The following NREP variants were observed in gnomAD, a reference collection of about 807,000 sequenced individuals.
The protein encoded by NREP is neuronal regeneration-related protein.
Under a neutral mutation model 8.6 loss-of-function variants are expected in NREP, and 5 were observed. The ratio of observed to expected loss-of-function variants is 0.58; its 90% CI spans 0.30 to 1.22. NREP has a LOEUF of 1.22. NREP is among the 50% of genes most tolerant of loss of function. The pLI, the probability that NREP is intolerant of heterozygous loss-of-function variation, is 0.07. For missense variants in NREP, 86 were observed against 82.5 expected (o/e 1.04, Z -0.17); for synonymous variants, 27 against 28.0 (o/e 0.96, Z 0.11).
At position 111,931,118 on chromosome 5, in the gene NREP, T is replaced by C. The variant is rs74786740; in HGVS notation, c.135+44156A>G. ...ACTGTCTTATCTTGCCCCTTCTTCT[T>C]GTGCCCTTAGTATTTAAACCTTCTG... On this transcript the variant is annotated intron_variant, in intron 2 of 3. Transcript: ENST00000395634. Among the ~76,000 whole-genome samples the C allele has an allele frequency of 8.5e-3, 1,297 of 152,180 alleles. 22 individuals carry two copies. The highest frequency in any genetic ancestry group is 0.03 in the African/African-American group (1,230 of 41,544).
intron 2 of NREP, among the ~76,000 whole-genome samples, chr5:111,864,993 T>C (rs1753633196): frequency 6.6e-6 from 1 of 152,136 alleles, no homozygotes; most frequent in Non-Finnish European, 1.5e-5. Flanking sequence ...ACTTTTTTTG[T>C]GTGAAATTCT....
chr5:111,958,985 G>C (rs1200392409), intron 2 of NREP, among the ~76,000 whole-genome samples: 1 of 151,684 alleles, frequency 6.6e-6, no homozygotes, highest in African/African-American at 2.4e-5. Context: ...GAAGGACACT[G>C]TTCAATGCAG....
intron 2 of NREP, among the ~76,000 whole-genome samples, chr5:111,779,231 G>C (rs1751433433): frequency 6.6e-6 from 1 of 152,136 alleles, no homozygotes; most frequent in Non-Finnish European, 1.5e-5. Context: ...ATCTCAGCAA[G>C]CCAGAAAGCA....
At chr5:111,832,818 C>T (rs904241258) in intron 2 of NREP, among the ~76,000 whole-genome samples, 1 of 152,208 alleles carries the variant, frequency 6.6e-6, no homozygotes, top group Non-Finnish European at 1.5e-5. Flanking sequence ...GCAGTCATTC[C>T]ATGGTAGGAC....
At chr5:111,877,944 G>A (rs1248822855) in intron 2 of NREP, among the ~76,000 whole-genome samples, 1 of 152,206 alleles carries the variant, frequency 6.6e-6, no homozygotes, top group African/African-American at 2.4e-5. Flanking sequence ...AGGGACAACT[G>A]AGAGGACATG....
intron 2 of NREP, among the ~76,000 whole-genome samples, chr5:111,823,562 A>G (rs1314843576): frequency 1.3e-5 from 2 of 152,240 alleles, no homozygotes; most frequent in Non-Finnish European, 2.9e-5. Flanking sequence ...TACATATACC[A>G]TAATTTCTAA....
chr5:111,964,612 C>T (rs1431855874), intron 2 of NREP, among the ~76,000 whole-genome samples: 1 of 152,000 alleles, frequency 6.6e-6, no homozygotes, highest in Admixed American at 6.6e-5. Flanking sequence ...TCAAGTGATC[C>T]ACCTGCCTCA....
intron 2 of NREP, among the ~76,000 whole-genome samples, chr5:111,909,486 G>A (rs1754857186): frequency 6.6e-6 from 1 of 151,930 alleles, no homozygotes; most frequent in East Asian, 1.9e-4. Context: ...AAAATAAAAT[G>A]CAATCAGCTT....
At position 111,753,386 on chromosome 5, in the gene NREP, TTATA is replaced by T. The variant is rs1371670903; in HGVS notation, c.3+2380_3+2383del. Reference sequence around the variant, plus strand: ...TATATGATATGTAGATATATATAGATTATATATATATTTTATAGATATATAAATG... The same window carrying T: ...TATATGATATGTAGATATATATAGATTATATATTTTATAGATATATAAATG... On this transcript the variant is annotated intron_variant, in intron 2 of 3. Coordinates refer to ENST00000257435, the MANE Select transcript of NREP (RefSeq NM_004772.4). 7.4e-5 allele frequency among the ~76,000 whole-genome samples: 11 copies of T among 147,678 alleles called. No homozygotes were observed. The South Asian group carries it at 1.5e-3, about 20-fold the overall frequency.
chr5:111,956,216 G>T (rs746515614), intron 2 of NREP, among the ~76,000 whole-genome samples: 21 of 152,046 alleles, frequency 1.4e-4, no homozygotes, highest in Non-Finnish European at 2.8e-4. Context: ...TCAGGAAAAT[G>T]GGCTCACAGA....
At chr5:111,795,006 A>AAAT (rs1751844188) in intron 2 of NREP, among the ~76,000 whole-genome samples, 1 of 152,006 alleles carries the variant, frequency 6.6e-6, no homozygotes, top group African/African-American at 2.4e-5. Flanking sequence ...AAAAAAAAAA[A>AAAT]AAAAAGAAAA....
At chr5:111,787,682 T>C (rs1040306338) in intron 2 of NREP, among the ~76,000 whole-genome samples, 6 of 152,234 alleles carry the variant, frequency 3.9e-5, no homozygotes, top group Non-Finnish European at 7.3e-5. Context: ...TTATTCTGCA[T>C]GTTAATCAGT....
chr5:111,816,089 C>T (rs1026404418), intron 2 of NREP, among the ~76,000 whole-genome samples: 6 of 152,058 alleles, frequency 3.9e-5, no homozygotes, highest in South Asian at 2.1e-4. Flanking sequence ...GAGAACTAAA[C>T]GCTAATGAAG....
chr5:111,804,953 A>G (rs1488348906), intron 2 of NREP, among the ~76,000 whole-genome samples: 2 of 152,194 alleles, frequency 1.3e-5, no homozygotes, highest in East Asian at 3.9e-4. Flanking sequence ...GTGAGCCGAG[A>G]TGGCGCCACT....
intron 2 of NREP, among the ~76,000 whole-genome samples, chr5:111,917,532 C>T (rs972986206): frequency 1.2e-4 from 19 of 152,168 alleles, no homozygotes; most frequent in African/African-American, 4.1e-4. Flanking sequence ...AGCTTCCTCC[C>T]TGGGATGCAA....
intron 2 of NREP, among the ~76,000 whole-genome samples, chr5:111,968,096 C>A (rs994524117): frequency 3.9e-5 from 6 of 151,938 alleles, no homozygotes; most frequent in African/African-American, 1.4e-4. Context: ...CAAGCAAAAA[C>A]ATTTCAATTA....
chr5:111,867,445 T>A (rs1292239597), intron 2 of NREP, among the ~76,000 whole-genome samples: 2 of 152,162 alleles, frequency 1.3e-5, no homozygotes, highest in Non-Finnish European at 2.9e-5. Flanking sequence ...TCCCTCCCTA[T>A]AAGGCCACCA....
At chr5:111,844,932 G>A (rs1234373833) in intron 2 of NREP, among the ~76,000 whole-genome samples, 2 of 151,556 alleles carry the variant, frequency 1.3e-5, no homozygotes, top group Admixed American at 6.6e-5. Context: ...TATTTTACAT[G>A]AATATAACTA....
intron 2 of NREP, among the ~76,000 whole-genome samples, chr5:111,891,401 G>A (rs1364146133): frequency 2.0e-5 from 3 of 152,086 alleles, no homozygotes; most frequent in African/African-American, 4.8e-5. Context: ...AATTTCAAAT[G>A]TTCCCTCATC....
Sources: allele counts gnomAD v4.1 joint callset (sites outside exome capture counted in the v4.1 genomes callset), GRCh38; gene constraint gnomAD v4.1.1; transcripts MANE v1.5; gene names NCBI Gene and HGNC (gene_info 2026-07-23, HGNC 2026-07-21).